Variants in HERC1 observed in about 807,000 individuals in gnomAD.
HERC1 encodes the protein probable E3 ubiquitin-protein ligase HERC1.
Under a neutral mutation model 554.3 loss-of-function variants are expected in HERC1, and 160 were observed. That is an observed-to-expected ratio of 0.29 (90% CI 0.25 to 0.33). The LOEUF (loss-of-function observed/expected upper bound fraction) is 0.33. HERC1 is among the 10% of genes least tolerant of loss of function. The pLI, the probability that HERC1 is intolerant of heterozygous loss-of-function variation, is 1.00. For synonymous variants in HERC1, 2,175 were observed against 2,131.7 expected (o/e 1.02, Z -0.56); for missense variants, 4,919 against 5,918.5 (o/e 0.83, Z 5.54).
intron 25 of HERC1, among the ~76,000 whole-genome samples, chr15:63,702,717 T>C (rs1356428109): frequency 1.3e-5 from 2 of 152,222 alleles, no homozygotes; most frequent in East Asian, 3.8e-4. Flanking sequence ...ACAATGCTCA[T>C]ATAGTAAGTA....
At chr15:63,742,491 T>C (rs551810393) in intron 12 of HERC1, among the ~76,000 whole-genome samples, 26 of 152,324 alleles carry the variant, frequency 1.7e-4, no homozygotes, top group African/African-American at 6.3e-4. Flanking sequence ...CATTATCTTA[T>C]ATAATTGCCC....
intron 1 of HERC1, among the ~76,000 whole-genome samples, chr15:63,789,374 G>A: frequency 6.6e-6 from 1 of 151,720 alleles, no homozygotes; most frequent in Non-Finnish European, 1.5e-5. Context: ...ACAGGCGTGA[G>A]CCACCGCGCC....
chr15:63,651,770 G>A (rs1429227627), intron 52 of HERC1, among the ~76,000 whole-genome samples: 1 of 152,194 alleles, frequency 6.6e-6, no homozygotes, highest in Admixed American at 6.5e-5. Context: ...TGGGCGTAGT[G>A]GCTCACATCT....
At chr15:63,709,980 C>A (rs1303359174) in intron 24 of HERC1, among the ~76,000 whole-genome samples, 1 of 152,168 alleles carries the variant, frequency 6.6e-6, no homozygotes, top group Admixed American at 6.5e-5. Flanking sequence ...AGCAAGGAAG[C>A]CTAGGAGAAC....
Position 63,651,300 on chromosome 15 carries a change from T to C in HERC1, c.10499A>G (p.Tyr3500Cys). The C allele has an allele frequency of 6.2e-7, 1 of 1,613,914 alleles. No individual in the cohort carries two copies. Residue 3500 changes from tyrosine (Y) to cysteine (C), a missense_variant, in exon 53 of 78, where the codon TAT becomes TGT. Transcript: ENST00000443617. ...SPVSWSISGK[Y>C]LAGALEKMVN... ...CATCTTTTCCAAAGCGCCTGCTAGA[T>C]ATTTGCCACTGATACTCCAGGAAAC... is the stretch of plus-strand genomic sequence containing the variant.
intron 1 of HERC1, among the ~76,000 whole-genome samples, chr15:63,820,685 CT>C (rs542260915): frequency 1.1e-4 from 16 of 147,652 alleles, no homozygotes; most frequent in Non-Finnish European, 7.5e-5. Flanking sequence ...AGACGTTATC[CT>C]TTTTTTTTTG....
chr15:63,696,728 G>A (rs1567024737), intron 26 of HERC1, among the ~76,000 whole-genome samples: 1 of 152,072 alleles, frequency 6.6e-6, no homozygotes, highest in Non-Finnish European at 1.5e-5. Context: ...AGCTCACAAG[G>A]AGATATATGT....
Position 63,640,167 on chromosome 15 carries a change from T to C in HERC1, c.11886A>G (p.Glu3962=), listed in dbSNP as rs373680532. 1.2e-6 allele frequency: 2 copies of C among 1,613,630 alleles called. No individual in the cohort carries two copies. Among genetic ancestry groups the C allele is most frequent in the African/African-American group, 2.7e-5 (2 of 74,892 alleles). ...GTACATTTACCATTAGAAATACAAG[T>C]TCATCCTCTGGAACAGGTTCTAGAT... The part of the protein sequence containing the change: ...VPDLEPVPED[E]LVFLMDNSKW... Residue 3962 remains glutamate, a synonymous_variant, in exon 61 of 78, where the codon GAA becomes GAG. Transcript: ENST00000443617.
At chr15:63,731,894 G>A (rs927204626) in intron 14 of HERC1, among the ~76,000 whole-genome samples, 1 of 152,156 alleles carries the variant, frequency 6.6e-6, no homozygotes, top group Non-Finnish European at 1.5e-5. Flanking sequence ...TCACAGATTG[G>A]TAGAGAAAAA....
Position 63,677,166 on chromosome 15 carries a change from T to C in HERC1, c.7070+679A>G, listed in dbSNP as rs1411734250. On this transcript the variant is annotated intron_variant, in intron 37 of 77. Transcript: ENST00000443617. This position sits in a 1 kb window ranked among gnomAD's most constrained non-coding sequence, Gnocchi z 4.4. The stretch of plus-strand genomic sequence containing the variant: ...CATGATGCTCAATGGAAATATTCAT[T>C]GGAGCACTTTGGATTTTGGATTTTT... Among the ~76,000 whole-genome samples, 2 of 152,222 alleles carry C rather than the reference T, an allele frequency of 1.3e-5. No homozygotes were observed. The highest frequency in any genetic ancestry group is 2.9e-5 in the Non-Finnish European group (2 of 68,028).
intron 57 of HERC1, among the ~76,000 whole-genome samples, chr15:63,644,423 C>G (rs534893348): frequency 6.6e-6 from 1 of 152,212 alleles, no homozygotes; most frequent in South Asian, 2.1e-4. Flanking sequence ...ATAAAACAAT[C>G]TGGTAACAAC....
intron 68 of HERC1, chr15:63,630,844 G>T (rs1432955230): frequency 1.0e-5 from 5 of 477,828 alleles, no homozygotes; most frequent in Non-Finnish European, 1.8e-5. Flanking sequence ...AACATCACAG[G>T]CTCTTTATTC....
chr15:63,728,141 A>C lies in HERC1; in HGVS notation c.3155-303T>G, dbSNP rs1214149237. 7.9e-5 allele frequency among the ~76,000 whole-genome samples: 12 copies of C among 152,134 alleles called. No individual in the cohort carries two copies. The East Asian group carries it at 2.3e-3, about 29-fold the overall frequency. On this transcript the variant is annotated intron_variant, in intron 16 of 77. Coordinates refer to ENST00000443617, the MANE Select transcript of HERC1 (RefSeq NM_003922.4). Reference sequence around the variant, plus strand: ...TTAATTTATCTTCATTTTATAATTTACTCAAGAAATATTTATTTACTCAAG... The same window carrying C: ...TTAATTTATCTTCATTTTATAATTTCCTCAAGAAATATTTATTTACTCAAG...
Position 63,694,446 on chromosome 15 carries a change from C to T in HERC1, c.5346G>A (p.Leu1782=), listed in dbSNP as rs2072289642. ...LAISTGLLNV[L]SQLCGTDTML... Reference sequence around the variant, plus strand: ...TGGTGTCTGTACCACACAACTGTGACAATACGTTTAGCAGACCAGTGGAAA... The same window carrying T: ...TGGTGTCTGTACCACACAACTGTGATAATACGTTTAGCAGACCAGTGGAAA... Residue 1782 remains leucine (L), a synonymous_variant, in exon 29 of 78, where the codon TTG becomes TTA. Transcript: ENST00000443617. The surrounding 1 kb of genome is among the most constrained non-coding windows in gnomAD (Gnocchi z 4.3). The T allele has an allele frequency of 3.1e-6, 5 of 1,613,978 alleles. No homozygotes were observed. The highest frequency in any genetic ancestry group is 4.2e-6 in the Non-Finnish European group (5 of 1,179,888).
chr15:63,724,674 T>G lies in HERC1; in HGVS notation c.3568+618A>C, dbSNP rs548305555. Among the ~76,000 whole-genome samples, 25 of 152,236 alleles carry G rather than the reference T, an allele frequency of 1.6e-4. No homozygotes were observed. In the South Asian group the frequency reaches 2.3e-3, roughly 14 times the overall value. ...AATCATTATTTTATAGAATCAAAAT[T>G]AGAAGCCTAGAGAGATTAAAGGACC... On this transcript the variant is annotated intron_variant, in intron 18 of 77. Transcript: ENST00000443617.
intron 1 of HERC1, among the ~76,000 whole-genome samples, chr15:63,821,726 C>CAAAAAAAAAAAAAAAAAAAAAAAA (rs35074987): frequency 1.6e-5 from 1 of 62,470 alleles, no homozygotes; most frequent in African/African-American, 7.0e-5. Flanking sequence ...TACCCTGTCT[C>CAAAAAAAAAAAAAAAAAAAAAAAA]AAAAAAAAAA....
intron 12 of HERC1, among the ~76,000 whole-genome samples, chr15:63,742,800 T>A (rs2074863878): frequency 1.3e-5 from 2 of 152,180 alleles, no homozygotes; most frequent in African/African-American, 2.4e-5. Context: ...ATGGGATACA[T>A]CCCATTTGGT....
chr15:63,757,711 T>A (rs1356387660), intron 4 of HERC1, among the ~76,000 whole-genome samples: 4 of 152,128 alleles, frequency 2.6e-5, no homozygotes, highest in East Asian at 1.9e-4. Context: ...AAAATGTATT[T>A]TTTATTTATT....
At chr15:63,648,420 T>C (rs572319082) in intron 54 of HERC1, among the ~76,000 whole-genome samples, 1 of 152,356 alleles carries the variant, frequency 6.6e-6, no homozygotes, top group African/African-American at 2.4e-5. Context: ...CTACCTACTT[T>C]ATAATCTTTC....
Sources: allele counts gnomAD v4.1 joint callset (sites outside exome capture counted in the v4.1 genomes callset), GRCh38; gene constraint gnomAD v4.1.1; non-coding constraint Gnocchi (gnomAD v3.1); transcripts MANE v1.5; gene names NCBI Gene and HGNC (gene_info 2026-07-23, HGNC 2026-07-21).